Variants in BANF2 observed in about 807,000 individuals in gnomAD.
BANF2 encodes the protein barrier-to-autointegration factor-like protein.
A neutral mutation model predicts 8.0 loss-of-function variants in BANF2; 4 were observed. The observed-to-expected ratio is 0.50, with a 90% CI of 0.25 to 1.14. The LOEUF (loss-of-function observed/expected upper bound fraction) is 1.14, where lower values mean the gene tolerates loss of function less well. Ranked by LOEUF, BANF2 falls within the 50% of genes most tolerant of loss-of-function variation. The pLI is 0.16. For missense variants in BANF2, 96 were observed against 107.5 expected, an observed-to-expected ratio of 0.89 and a Z score of 0.47; for synonymous variants, 50 against 40.6, an observed-to-expected ratio of 1.23 and a Z score of -0.88.
intron 3 of BANF2, among the ~76,000 whole-genome samples, chr20:17,728,451 G>A (rs189531738): frequency 4.6e-5 from 7 of 152,266 alleles, no homozygotes; most frequent in Non-Finnish European, 7.4e-5. Flanking sequence ...CAATTTATCC[G>A]GATGTCCTAT....
At chr20:17,730,199 C>T (rs1243897573) in intron 3 of BANF2, among the ~76,000 whole-genome samples, 1 of 152,170 alleles carries the variant, frequency 6.6e-6, no homozygotes, top group Non-Finnish European at 1.5e-5. Context: ...AAAAAACAAT[C>T]CTACAAAGTA....
At chr20:17,708,390 C>T in intron 1 of BANF2, among the ~76,000 whole-genome samples, 1 of 152,260 alleles carries the variant, frequency 6.6e-6, no homozygotes. Flanking sequence ...TGGGTCCATA[C>T]AGCATTATGA....
chr20:17,706,907 A>T (rs2037489530), intron 1 of BANF2, among the ~76,000 whole-genome samples: 1 of 152,240 alleles, frequency 6.6e-6, no homozygotes, highest in Admixed American at 6.5e-5. Flanking sequence ...CGCTGTGAGC[A>T]GGATGGAATA....
chr20:17,708,459 G>T (rs1476926040), intron 1 of BANF2, among the ~76,000 whole-genome samples: 1 of 152,066 alleles, frequency 6.6e-6, no homozygotes, highest in African/African-American at 2.4e-5. Context: ...AAATCTAAAC[G>T]TTGGGCTTCT....
intron 1 of BANF2, among the ~76,000 whole-genome samples, chr20:17,701,091 A>C (rs990644442): frequency 6.6e-6 from 1 of 152,128 alleles, no homozygotes; most frequent in Non-Finnish European, 1.5e-5. Context: ...CCTTAGTTTT[A>C]TATGTGATGG....
intron 2 of BANF2, among the ~76,000 whole-genome samples, chr20:17,724,251 G>A (rs1016220780): frequency 6.6e-6 from 1 of 152,154 alleles, no homozygotes; most frequent in African/African-American, 2.4e-5. Context: ...TTTTGCCTGG[G>A]GCCTGCAATC....
At chr20:17,700,562 T>C (rs1271711159) in intron 1 of BANF2, among the ~76,000 whole-genome samples, 3 of 152,220 alleles carry the variant, frequency 2.0e-5, no homozygotes, top group Non-Finnish European at 2.9e-5. Context: ...TAAATCCACC[T>C]CCTGGTGACC....
At chr20:17,710,209 C>T (rs1166226245) in intron 1 of BANF2, among the ~76,000 whole-genome samples, 1 of 152,124 alleles carries the variant, frequency 6.6e-6, no homozygotes, top group African/African-American at 2.4e-5. Flanking sequence ...GAAGAGCCAC[C>T]ATGGAAACCA....
In BANF2 at chr20:17,735,827, C is replaced by T; in HGVS notation, c.*16C>T. 4 of 1,605,378 alleles carry T rather than the reference C, an allele frequency of 2.5e-6. No individual in the cohort carries two copies. Among genetic ancestry groups the T allele is most frequent in the East Asian group, 2.2e-5 (1 of 44,592 alleles). ...CTTCCTGTAGACACAAACCTCATTGCTGCCCCCCACCACCCTCTGGGGAAA... is the reference window on the plus strand; with the variant it reads ...CTTCCTGTAGACACAAACCTCATTGTTGCCCCCCACCACCCTCTGGGGAAA... On this transcript the variant is annotated 3_prime_UTR_variant, in exon 4 of 4. Coordinates refer to ENST00000246090, the MANE Select transcript of BANF2 (RefSeq NM_178477.5).
upstream of BANF2, among the ~76,000 whole-genome samples, chr20:17,698,255 T>C (rs979777983): frequency 1.3e-5 from 2 of 152,088 alleles, no homozygotes; most frequent in Non-Finnish European, 2.9e-5. Flanking sequence ...GGTACCTCCC[T>C]TGCCTTGTTC....
chr20:17,729,116 G>T (rs553524373), intron 3 of BANF2, among the ~76,000 whole-genome samples: 30 of 152,262 alleles, frequency 2.0e-4, no homozygotes, highest in African/African-American at 3.9e-4. Context: ...ATGTAAGGGC[G>T]AAAGAGCCGT....
chr20:17,695,762 A>G (rs1407331497), upstream of BANF2, among the ~76,000 whole-genome samples: 1 of 152,196 alleles, frequency 6.6e-6, no homozygotes, highest in Non-Finnish European at 1.5e-5. Context: ...CACCCGAGTA[A>G]TCATCGCCAT....
At chr20:17,709,834 C>T (rs1194514495) in intron 1 of BANF2, among the ~76,000 whole-genome samples, 6 of 152,128 alleles carry the variant, frequency 3.9e-5, no homozygotes, top group African/African-American at 4.8e-5. Flanking sequence ...GATCTTGGTG[C>T]GGAGCTTAGC....
chr20:17,695,385 G>A (rs8123648), upstream of BANF2, among the ~76,000 whole-genome samples: 203 of 138,738 alleles, frequency 1.5e-3, 3 homozygotes, highest in East Asian at 0.041. Context: ...GGTCAAGGCT[G>A]TAGTAAGCCA....
In BANF2 at chr20:17,725,006, C is replaced by A; in HGVS notation, c.-3-17C>A. 4 of 1,601,994 alleles carry A rather than the reference C, an allele frequency of 2.5e-6. No homozygotes were observed. Among genetic ancestry groups the A allele is most frequent in the Non-Finnish European group, 3.4e-6 (4 of 1,170,028 alleles). ...CAGGTATCTGCTAATCCTCCTCTCTCCCCACTGCTGTCGCAGGAGATGGAC... is the reference window on the plus strand; with the variant it reads ...CAGGTATCTGCTAATCCTCCTCTCTACCCACTGCTGTCGCAGGAGATGGAC... On this transcript the variant is annotated splice_polypyrimidine_tract_variant and intron_variant, in intron 2 of 3. Transcript: ENST00000246090.
At chr20:17,731,001 G>A (rs1211568830) in intron 3 of BANF2, among the ~76,000 whole-genome samples, 1 of 152,240 alleles carries the variant, frequency 6.6e-6, no homozygotes. Context: ...TTTAAGCCGG[G>A]CGTGGTAGCT....
At chr20:17,697,129 C>A (rs1291270774), upstream of BANF2, among the ~76,000 whole-genome samples, 1 of 152,112 alleles carries the variant, frequency 6.6e-6, no homozygotes, top group Admixed American at 6.6e-5. Context: ...GCATATTAAT[C>A]CTAACAGGCC....
At chr20:17,713,670 C>T (rs2037609637) in intron 1 of BANF2, among the ~76,000 whole-genome samples, 1 of 151,638 alleles carries the variant, frequency 6.6e-6, no homozygotes, top group Admixed American at 6.6e-5. Context: ...CTCATCTTTA[C>T]AAAAATATTA....
At chr20:17,727,786 G>A (rs974612329) in intron 3 of BANF2, among the ~76,000 whole-genome samples, 10 of 152,162 alleles carry the variant, frequency 6.6e-5, no homozygotes, top group East Asian at 1.9e-4. Flanking sequence ...ATTGTATTGC[G>A]CAGGCTGGGG....
Sources: allele counts gnomAD v4.1 joint callset (sites outside exome capture counted in the v4.1 genomes callset), GRCh38; gene constraint gnomAD v4.1.1; transcripts MANE v1.5; gene names NCBI Gene and HGNC (gene_info 2026-07-23, HGNC 2026-07-21).